CYB5R4: variants seen among roughly 807,000 people sequenced by gnomAD.
CYB5R4 encodes the protein N-terminal cytochrome b5 and cytochrome b5 oxidoreductase domain-containing protein.
A neutral mutation model predicts 70.2 loss-of-function variants in CYB5R4; 55 were observed. The ratio of observed to expected loss-of-function variants is 0.78; its 90% CI spans 0.63 to 0.98. The LOEUF is 0.98. Among genes scored for constraint, CYB5R4 ranks in the 50% least tolerant of loss-of-function variants. The pLI is 0.00. For missense variants in CYB5R4, 562 were observed against 612.6 expected (o/e 0.92, Z 0.87); for synonymous variants, 197 against 199.5 (o/e 0.99, Z 0.11).
At chr6:83,959,053 AT>A (rs2099472888) in intron 15 of CYB5R4, among the ~76,000 whole-genome samples, 1 of 152,130 alleles carries the variant, frequency 6.6e-6, no homozygotes, top group African/African-American at 2.4e-5. Flanking sequence ...AAAATCAAAC[AT>A]TTATTCTCCC....
intron 2 of CYB5R4, among the ~76,000 whole-genome samples, chr6:83,869,376 C>T (rs9341966): frequency 0.15 from 23,355 of 152,102 alleles, 3,500 homozygotes; most frequent in African/African-American, 0.37. Context: ...TGCTAAACTG[C>T]GTTCATAACC....
At chr6:83,918,504 A>G (rs2099465861) in intron 6 of CYB5R4, among the ~76,000 whole-genome samples, 1 of 152,038 alleles carries the variant, frequency 6.6e-6, no homozygotes, top group South Asian at 2.1e-4. Context: ...ATGACAGTAT[A>G]TGAGCATTTT....
At chr6:83,893,786 T>G (rs1280685888) in intron 3 of CYB5R4, among the ~76,000 whole-genome samples, 164 bp downstream of exon 3, 1 of 152,222 alleles carries the variant, frequency 6.6e-6, no homozygotes, top group Non-Finnish European at 1.5e-5. Flanking sequence ...GTTCATTTAA[T>G]TTGCCCTTTG....
intron 10 of CYB5R4, among the ~76,000 whole-genome samples, chr6:83,933,836 C>A (rs2099468518): frequency 6.6e-6 from 1 of 152,076 alleles, no homozygotes; most frequent in Admixed American, 6.6e-5. Flanking sequence ...GTACCATAAT[C>A]CTATTCCTAC....
At chr6:83,943,822 C>T (rs573762400) in intron 14 of CYB5R4, among the ~76,000 whole-genome samples, 96 of 151,844 alleles carry the variant, frequency 6.3e-4, no homozygotes, top group African/African-American at 2.3e-3. Context: ...ACACAAGTAT[C>T]CATAGCCAAA....
chr6:83,890,290 G>A (rs1301422700), intron 2 of CYB5R4, among the ~76,000 whole-genome samples: 2 of 152,202 alleles, frequency 1.3e-5, no homozygotes, highest in African/African-American at 4.8e-5. Context: ...GAGTTTGGAA[G>A]AAGGTGATTC....
intron 5 of CYB5R4, 59 bp from the exon 6 acceptor site, chr6:83,917,946 A>T: frequency 7.4e-7 from 1 of 1,357,780 alleles, no homozygotes; most frequent in Non-Finnish European, 1.0e-6. Context: ...AAGTTAACTT[A>T]AAAGACAAAA....
intron 1 of CYB5R4, among the ~76,000 whole-genome samples, chr6:83,861,034 A>T (rs1317470315): frequency 1.3e-5 from 2 of 152,210 alleles, no homozygotes; most frequent in Non-Finnish European, 2.9e-5. Context: ...CCAATCATGT[A>T]TATTTTTCTC....
chr6:83,867,250 G>C (rs1212564924), intron 2 of CYB5R4, among the ~76,000 whole-genome samples: 1 of 152,168 alleles, frequency 6.6e-6, no homozygotes, highest in Non-Finnish European at 1.5e-5. Context: ...TAGGAAATGA[G>C]GAAGTGCACT....
intron 2 of CYB5R4, among the ~76,000 whole-genome samples, chr6:83,871,269 A>G (rs1423464612): frequency 6.6e-6 from 1 of 152,050 alleles, no homozygotes; most frequent in Non-Finnish European, 1.5e-5. Context: ...GTGAGCCACC[A>G]CACCTGGCCT....
At chr6:83,871,497 T>C (rs899866152) in intron 2 of CYB5R4, among the ~76,000 whole-genome samples, 1 of 152,140 alleles carries the variant, frequency 6.6e-6, no homozygotes, top group Non-Finnish European at 1.5e-5. Flanking sequence ...TCTGTACTTC[T>C]CTCCCATTCA....
chr6:83,957,134 C>T (rs1218893263), intron 15 of CYB5R4, among the ~76,000 whole-genome samples: 2 of 151,734 alleles, frequency 1.3e-5, no homozygotes, highest in South Asian at 2.1e-4. Context: ...AAAGATTTTT[C>T]AAGTTTCTGT....
At chr6:83,915,807 T>C (rs2099465412) in intron 5 of CYB5R4, among the ~76,000 whole-genome samples, 1 of 152,216 alleles carries the variant, frequency 6.6e-6, no homozygotes, top group Non-Finnish European at 1.5e-5. Context: ...GTGATCTGCC[T>C]GCATTCTATG....
In CYB5R4 at chr6:83,966,063, A is replaced by G. The variant is rs1282339836; in HGVS notation, c.*6185A>G. On this transcript the variant is annotated 3_prime_UTR_variant, in exon 16 of 16. Transcript: ENST00000369681. ...TCAGCAGTGATTCTATTCCTATGAA[A>G]TGTCTAGAACAGGAAAATCTATGAG... The G allele has an allele frequency of 6.6e-6, 1 of 152,198 alleles. No homozygotes were observed. Among genetic ancestry groups the G allele is most frequent in the African/African-American group, 2.4e-5 (1 of 41,448 alleles). The allele number at this position is 152,198 out of a possible 1,614,324, so 9.4% of individuals were successfully genotyped here.
intron 12 of CYB5R4, among the ~76,000 whole-genome samples, chr6:83,938,952 A>G (rs914890270): frequency 1.6e-4 from 25 of 151,860 alleles, no homozygotes; most frequent in African/African-American, 6.1e-4. Flanking sequence ...CTCCTGCCTC[A>G]GCCTCCCAAG....
chr6:83,887,506 C>G (rs999618030), intron 2 of CYB5R4, among the ~76,000 whole-genome samples: 1 of 152,070 alleles, frequency 6.6e-6, no homozygotes, highest in East Asian at 1.9e-4. Context: ...CCTAGAGAAA[C>G]TCAGTGTAGT....
chr6:83,882,167 G>T (rs1189354049), intron 2 of CYB5R4, among the ~76,000 whole-genome samples: 1 of 152,190 alleles, frequency 6.6e-6, no homozygotes, highest in Non-Finnish European at 1.5e-5. Context: ...ATGTCACTGT[G>T]TGAGTTTCCC....
chr6:83,867,050 A>C (rs1045567180), intron 2 of CYB5R4, among the ~76,000 whole-genome samples: 1 of 152,142 alleles, frequency 6.6e-6, no homozygotes, highest in Admixed American at 6.5e-5. Context: ...TTATTTTATC[A>C]AGAAATACTC....
chr6:83,863,079 A>G (rs559775665), intron 1 of CYB5R4, among the ~76,000 whole-genome samples: 3 of 152,218 alleles, frequency 2.0e-5, no homozygotes, highest in East Asian at 3.8e-4. Context: ...TTCCATAGAG[A>G]TATCTTGAAA....
Sources: allele counts gnomAD v4.1 joint callset (sites outside exome capture counted in the v4.1 genomes callset), GRCh38; gene constraint gnomAD v4.1.1; transcripts MANE v1.5; gene names NCBI Gene and HGNC (gene_info 2026-07-23, HGNC 2026-07-21).